Variants in MGAT5B observed in about 807,000 individuals in gnomAD.
The protein encoded by MGAT5B is N-acetylglucosaminyl-transferase Vb.
Under a neutral mutation model 95.1 loss-of-function variants are expected in MGAT5B, and 54 were observed. That is an observed-to-expected ratio of 0.57 (90% CI 0.46 to 0.71). MGAT5B has a LOEUF of 0.71. Among genes scored for constraint, MGAT5B ranks in the 30% least tolerant of loss-of-function variants. MGAT5B has a pLI of 0.00. For missense variants in MGAT5B, 935 were observed against 1,088.6 expected, an observed-to-expected ratio of 0.86 and a Z score of 1.99; for synonymous variants, 464 against 451.0, an observed-to-expected ratio of 1.03 and a Z score of -0.36.
At chr17:76,926,072 G>A (rs1430233681) in intron 9 of MGAT5B, among the ~76,000 whole-genome samples, 1 of 152,200 alleles carries the variant, frequency 6.6e-6, no homozygotes, top group Non-Finnish European at 1.5e-5. Flanking sequence ...ACTGGGACCA[G>A]CCTTGCAGAG....
rs1031500397 is a variant in MGAT5B, at chr17:76,915,183, C to G, written c.1025+8996C>G. 6.6e-6 allele frequency among the ~76,000 whole-genome samples: 1 copy of G among 152,118 alleles called. No individual in the cohort carries two copies. The highest frequency in any genetic ancestry group is 1.5e-5 in the Non-Finnish European group (1 of 68,026). ...AAATGTGGCTGCAAAGGAGCCAGAA[C>G]AGTAGGGAGGTTGTGGACATAGGAG... On this transcript the variant is annotated intron_variant, in intron 8 of 17. Transcript: ENST00000569840. This position sits in a 1 kb window ranked among gnomAD's most constrained non-coding sequence, Gnocchi z 8.7.
intron 2 of MGAT5B, among the ~76,000 whole-genome samples, chr17:76,875,870 T>C (rs1598887061): frequency 6.6e-6 from 1 of 152,152 alleles, no homozygotes; most frequent in East Asian, 1.9e-4. Flanking sequence ...CTACGTGTTG[T>C]AACATTAGTT....
Position 76,882,189 on chromosome 17 carries a change from A to T in MGAT5B, c.220A>T (p.Met74Leu). Reference protein sequence around the residue: ...GPESRGVLRKMSDLLELMVKR... With the variant: ...GPESRGVLRKLSDLLELMVKR... ...CGAGTCCCGCGGCGTCCTGCGCAAG[A>T]TGAGCGACCTGCTGGAGCTGATGGT... is the stretch of plus-strand genomic sequence containing the variant. Residue 74 changes from methionine (M) to leucine (L), a missense_variant, in exon 3 of 18, where the codon ATG becomes TTG. Met to Leu is a conservative substitution (Grantham distance 15, BLOSUM62 2). This residue lies in a region of MGAT5B where 243 missense variants were observed against 228.2 expected (regional missense o/e 1.06). Coordinates refer to ENST00000569840, the MANE Select transcript of MGAT5B (RefSeq NM_001199172.2). 1 of 1,613,462 alleles carries T rather than the reference A, an allele frequency of 6.2e-7. No individual in the cohort carries two copies. Among genetic ancestry groups the T allele is most frequent in the South Asian group, 1.1e-5 (1 of 91,000 alleles).
intron 2 of MGAT5B, among the ~76,000 whole-genome samples, chr17:76,878,453 C>T (rs1411790582): frequency 6.6e-6 from 1 of 152,116 alleles, no homozygotes; most frequent in Non-Finnish European, 1.5e-5. Flanking sequence ...TGCAATGACC[C>T]ATGCCTCTGT....
At chr17:76,932,276 G>C (rs941611575) in intron 10 of MGAT5B, among the ~76,000 whole-genome samples, 3 of 151,944 alleles carry the variant, frequency 2.0e-5, no homozygotes, top group African/African-American at 7.3e-5. Flanking sequence ...GGGACTATAG[G>C]CGCGTGCCAC....
In MGAT5B at chr17:76,868,796, G is replaced by A. The variant is rs1191092118; in HGVS notation, c.-234G>A. ...GTCCCCAAAATGTGAAGCGGGGAGG[G>A]CGGAGACGCAGAGACGGCCCGGCCG... On this transcript the variant is annotated 5_prime_UTR_variant, in exon 1 of 18. Transcript: ENST00000569840. This position sits in a 1 kb window ranked among gnomAD's most constrained non-coding sequence, Gnocchi z 6.3. 1 of 285,700 alleles carries A rather than the reference G, an allele frequency of 3.5e-6. No homozygotes were observed. Among genetic ancestry groups the A allele is most frequent in the East Asian group, 5.9e-5 (1 of 17,080 alleles). The allele number at this position is 285,700 out of a possible 1,614,324, so 17.7% of individuals were successfully genotyped here.
At chr17:76,887,639 C>T (rs1455154523) in intron 3 of MGAT5B, among the ~76,000 whole-genome samples, 5 of 150,424 alleles carry the variant, frequency 3.3e-5, no homozygotes, top group Admixed American at 6.6e-5. Flanking sequence ...CTGCACCCTC[C>T]GCCTCCAGGG....
chr17:76,929,803 C>G (rs538990865), intron 10 of MGAT5B, among the ~76,000 whole-genome samples: 1 of 152,218 alleles, frequency 6.6e-6, no homozygotes, highest in Non-Finnish European at 1.5e-5. Context: ...GCTCTGCCCC[C>G]AGGAGCTCTT....
intron 8 of MGAT5B, among the ~76,000 whole-genome samples, chr17:76,907,924 T>C (rs1433226582): frequency 6.6e-6 from 1 of 152,250 alleles, no homozygotes; most frequent in African/African-American, 2.4e-5. Context: ...AACTTGCATT[T>C]CCTGAAAGAT....
At chr17:76,877,965 T>G (rs1967254801) in intron 2 of MGAT5B, among the ~76,000 whole-genome samples, 1 of 152,150 alleles carries the variant, frequency 6.6e-6, no homozygotes. Context: ...CGTCCCAGCT[T>G]TCCTTATTTA....
intron 16 of MGAT5B, among the ~76,000 whole-genome samples, chr17:76,947,119 C>T (rs766528384): frequency 4.6e-5 from 7 of 152,206 alleles, no homozygotes; most frequent in South Asian, 2.1e-4. Context: ...CTGCAGGCCC[C>T]GGGTGTCCAG....
chr17:76,944,430 T>G (rs577411868), intron 15 of MGAT5B, among the ~76,000 whole-genome samples: 3 of 152,308 alleles, frequency 2.0e-5, no homozygotes, highest in South Asian at 4.1e-4. Context: ...AGTGAAGCCT[T>G]GTCCCCGCAA....
At chr17:76,911,380 A>G (rs1267285288) in intron 8 of MGAT5B, among the ~76,000 whole-genome samples, 2 of 152,132 alleles carry the variant, frequency 1.3e-5, no homozygotes, top group Non-Finnish European at 2.9e-5. Flanking sequence ...GGCCCTAGAA[A>G]AGATGTAGAA....
At chr17:76,939,029 G>GGGGGGTGTGTGTGT (rs1237086611) in intron 13 of MGAT5B, among the ~76,000 whole-genome samples, 1 of 128,190 alleles carries the variant, frequency 7.8e-6, no homozygotes, top group Admixed American at 8.1e-5. Context: ...GCATCTTGGG[G>GGGGGGTGTGTGTGT]GTGTGTGTGT....
intron 12 of MGAT5B, among the ~76,000 whole-genome samples, chr17:76,937,763 T>C (rs1194184944): frequency 2.6e-5 from 4 of 152,224 alleles, no homozygotes; most frequent in African/African-American, 9.6e-5. Context: ...AACAGTTTCA[T>C]GGCTAAAAGT....
In MGAT5B at chr17:76,930,616, G is replaced by A. The variant is rs1436735660; in HGVS notation, c.1292-2029G>A. Among the ~76,000 whole-genome samples the A allele has an allele frequency of 2.6e-5, 4 of 152,168 alleles. No individual in the cohort carries two copies. The highest frequency in any genetic ancestry group is 4.4e-5 in the Non-Finnish European group (3 of 68,038). On this transcript the variant is annotated intron_variant, in intron 10 of 17. Coordinates refer to ENST00000569840, the MANE Select transcript of MGAT5B (RefSeq NM_001199172.2). This position sits in a 1 kb window ranked among gnomAD's most constrained non-coding sequence, Gnocchi z 4.1. ...GTCTCATGTTCCTCTTAACCCCTCCGTGGCGGACAGAGCTTTAGCAGTCAC... is the reference window on the plus strand; with the variant it reads ...GTCTCATGTTCCTCTTAACCCCTCCATGGCGGACAGAGCTTTAGCAGTCAC...
At chr17:76,921,248 G>T (rs1969114944) in intron 8 of MGAT5B, among the ~76,000 whole-genome samples, 1 of 152,176 alleles carries the variant, frequency 6.6e-6, no homozygotes, top group South Asian at 2.1e-4. Context: ...TGAAATTTCT[G>T]CGGCACCTGG....
chr17:76,881,811 G>A (rs1180835682), intron 2 of MGAT5B, among the ~76,000 whole-genome samples: 1 of 152,102 alleles, frequency 6.6e-6, no homozygotes, highest in Admixed American at 6.5e-5. Flanking sequence ...GAGGGTTGTT[G>A]GGCCCCAGAG....
chr17:76,947,767 A>T, intron 16 of MGAT5B, 63 bp from the exon 17 acceptor site: 1 of 1,485,802 alleles, frequency 6.7e-7, no homozygotes, highest in African/African-American at 1.4e-5. Context: ...CCACACCTTC[A>T]GGTGTCTCCC....
Sources: allele counts gnomAD v4.1 joint callset (sites outside exome capture counted in the v4.1 genomes callset), GRCh38; gene constraint gnomAD v4.1.1; regional missense constraint gnomAD v4.1.1; non-coding constraint Gnocchi (gnomAD v3.1); transcripts MANE v1.5; gene names NCBI Gene and HGNC (gene_info 2026-07-23, HGNC 2026-07-21).